Variants in RORB observed in about 807,000 individuals in gnomAD.
RORB encodes RAR related orphan receptor B.
RORB carries 6 observed loss-of-function variants against 59.1 expected under a neutral mutation model. The ratio of observed to expected loss-of-function variants is 0.10; its 90% confidence interval spans 0.06 to 0.20. The LOEUF (loss-of-function observed/expected upper bound fraction) is 0.20, where lower values mean the gene tolerates loss of function less well. Ranked by LOEUF, RORB falls within the 10% of genes least tolerant of loss-of-function variation. RORB has a pLI of 1.00. For synonymous variants in RORB, 215 were observed against 204.5 expected, an observed-to-expected ratio of 1.05 and a Z score of -0.44; for missense variants, 320 against 560.5, an observed-to-expected ratio of 0.57 and a Z score of 4.33.
intron 9 of RORB, among the ~76,000 whole-genome samples, chr9:74,674,838 A>C (rs780402006): frequency 6.6e-6 from 1 of 152,228 alleles, no homozygotes; most frequent in Non-Finnish European, 1.5e-5. Flanking sequence ...ATAATAAACC[A>C]TCAAAGCCAC....
At chr9:74,623,162 T>C (rs1288897672) in intron 1 of RORB, among the ~76,000 whole-genome samples, 1 of 152,170 alleles carries the variant, frequency 6.6e-6, no homozygotes, top group Non-Finnish European at 1.5e-5. Flanking sequence ...ATAGAAAAAC[T>C]GTATGGTTTT....
chr9:74,578,056 G>C (rs1822664347), intron 1 of RORB, among the ~76,000 whole-genome samples: 1 of 151,834 alleles, frequency 6.6e-6, no homozygotes, highest in Admixed American at 6.6e-5. Flanking sequence ...CTGAGGACCT[G>C]AGAAGGTAAG....
chr9:74,500,239 C>T (rs1825788052), intron 1 of RORB, among the ~76,000 whole-genome samples: 1 of 152,184 alleles, frequency 6.6e-6, no homozygotes, highest in African/African-American at 2.4e-5. Context: ...GACCAGGTCA[C>T]TCTATCGCCA....
chr9:74,559,845 G>C (rs181924623), intron 1 of RORB, among the ~76,000 whole-genome samples: 4 of 152,208 alleles, frequency 2.6e-5, no homozygotes, highest in African/African-American at 9.6e-5. Flanking sequence ...TCTTTTGAAG[G>C]CATTGTTCAA....
At chr9:74,520,064 GA>G (rs1050264951) in intron 1 of RORB, among the ~76,000 whole-genome samples, 4 of 149,978 alleles carry the variant, frequency 2.7e-5, no homozygotes, top group Admixed American at 1.3e-4. Flanking sequence ...GAGAGAGAAG[GA>G]AAAAAAATAA....
intron 1 of RORB, among the ~76,000 whole-genome samples, chr9:74,585,711 A>G (rs1178535980): frequency 6.6e-6 from 1 of 152,104 alleles, no homozygotes; most frequent in African/African-American, 2.4e-5. Flanking sequence ...TTACCACTCA[A>G]TTCTAACCCT....
chr9:74,547,774 A>T (rs1448121377), intron 1 of RORB, among the ~76,000 whole-genome samples: 1 of 152,202 alleles, frequency 6.6e-6, no homozygotes, highest in Non-Finnish European at 1.5e-5. Context: ...ATTACATAAG[A>T]TGTTGTACAA....
chr9:74,662,175 G>A (rs1824198730), intron 5 of RORB, among the ~76,000 whole-genome samples: 1 of 151,894 alleles, frequency 6.6e-6, no homozygotes, highest in African/African-American at 2.4e-5. Context: ...GTGAGAAGGA[G>A]GAAAAGGAGG....
At chr9:74,628,330 G>C (rs141835622) in intron 1 of RORB, among the ~76,000 whole-genome samples, 65 of 152,206 alleles carry the variant, frequency 4.3e-4, no homozygotes, top group African/African-American at 1.5e-3. Context: ...TCTTTAGCTG[G>C]AGCTATTGGA....
At chr9:74,569,516 G>T (rs897517555) in intron 1 of RORB, among the ~76,000 whole-genome samples, 1 of 151,972 alleles carries the variant, frequency 6.6e-6, no homozygotes, top group African/African-American at 2.4e-5. Flanking sequence ...TATTTACCTT[G>T]TATTTTTTGA....
chr9:74,516,675 A>G (rs1448469509), intron 1 of RORB, among the ~76,000 whole-genome samples: 2 of 152,074 alleles, frequency 1.3e-5, no homozygotes, highest in Non-Finnish European at 2.9e-5. Flanking sequence ...TTTGGCATTC[A>G]GTGACAGCAA....
intron 1 of RORB, among the ~76,000 whole-genome samples, chr9:74,616,448 C>T (rs929641490): frequency 6.6e-6 from 1 of 152,044 alleles, no homozygotes; most frequent in Admixed American, 6.6e-5. Flanking sequence ...CTTCCTGGTG[C>T]TTGTATTTGT....
chr9:74,652,532 ATTTT>A (rs931993926), intron 4 of RORB, among the ~76,000 whole-genome samples: 1 of 151,806 alleles, frequency 6.6e-6, no homozygotes, highest in Non-Finnish European at 1.5e-5. Flanking sequence ...TGATTTTTTA[ATTTT>A]TTTTCCATTT....
intron 1 of RORB, among the ~76,000 whole-genome samples, chr9:74,503,611 T>C (rs1023034852): frequency 3.9e-5 from 6 of 151,948 alleles, no homozygotes; most frequent in Non-Finnish European, 7.4e-5. Flanking sequence ...TACTACCTAA[T>C]GATAATTAGA....
At chr9:74,604,489 T>TA (rs1823119718) in intron 1 of RORB, among the ~76,000 whole-genome samples, 1 of 152,236 alleles carries the variant, frequency 6.6e-6, no homozygotes, top group Non-Finnish European at 1.5e-5. Flanking sequence ...TGACTGTTTT[T>TA]ATCACAGAGT....
At chr9:74,595,441 C>G (rs1003429705) in intron 1 of RORB, among the ~76,000 whole-genome samples, 3 of 152,220 alleles carry the variant, frequency 2.0e-5, no homozygotes, top group Non-Finnish European at 4.4e-5. Flanking sequence ...TATGTAATTA[C>G]TTGCCTTTTA....
chr9:74,570,327 G>C (rs541080180), intron 1 of RORB, among the ~76,000 whole-genome samples: 1 of 152,128 alleles, frequency 6.6e-6, no homozygotes, highest in Admixed American at 6.5e-5. Flanking sequence ...CATCTTTAAT[G>C]TATTTGAATT....
At chr9:74,592,810 A>G (rs1179099819) in intron 1 of RORB, among the ~76,000 whole-genome samples, 1 of 148,258 alleles carries the variant, frequency 6.7e-6, no homozygotes, top group Non-Finnish European at 1.5e-5. Flanking sequence ...CTCTCTTTCA[A>G]TCTCTCTCTC....
In RORB at chr9:74,692,405, G is replaced by C. The variant is rs895612904; in HGVS notation, c.*6787G>C. ...ACAATGCTTCCTTGCTTTTAGGATTGAGAGAAATGATTTTCATATACTTCC... is the reference window on the plus strand; with the variant it reads ...ACAATGCTTCCTTGCTTTTAGGATTCAGAGAAATGATTTTCATATACTTCC... On this transcript the variant is annotated 3_prime_UTR_variant, in exon 10 of 10. Coordinates refer to ENST00000376896, the MANE Select transcript of RORB (RefSeq NM_006914.4). 3.9e-5 allele frequency: 6 copies of C among 152,198 alleles called. No individual in the cohort carries two copies. Among genetic ancestry groups the C allele is most frequent in the African/African-American group, 1.2e-4 (5 of 41,450 alleles). 9.4% of individuals were successfully genotyped at this position (152,198 alleles called of 1,614,324 possible).
Sources: gnomAD v4.1 joint callset for allele counts (sites outside exome capture counted in the v4.1 genomes callset) on GRCh38, gnomAD v4.1.1 for gene constraint, MANE v1.5 for transcripts, NCBI Gene and HGNC (gene_info 2026-07-23, HGNC 2026-07-21) for gene names.